The following PON2 variants were observed in gnomAD, a reference collection of about 807,000 sequenced individuals.
PON2 encodes serum paraoxonase/arylesterase 2.
In PON2, 27 loss-of-function variants were observed where a neutral mutation model predicts 36.6. The ratio of observed to expected loss-of-function variants is 0.74; its 90% CI spans 0.54 to 1.02. The LOEUF is 1.02. Ranked by LOEUF, PON2 falls within the 50% of genes least tolerant of loss-of-function variation. The pLI is 0.00. For synonymous variants in PON2, 149 were observed against 156.3 expected, an observed-to-expected ratio of 0.95 and a Z score of 0.35; for missense variants, 363 against 421.1, an observed-to-expected ratio of 0.86 and a Z score of 1.21.
At position 95,431,174 on chromosome 7, in the gene PON2, G is replaced by A. The variant is rs1409087222; in HGVS notation, c.74+3704C>T. On this transcript the variant is annotated intron_variant, in intron 1 of 8. Transcript: ENST00000222572. ...CTAGGGAGGGGTGGAAAAGGAGGGT[G>A]TGGAATCCCAGTTACAGTTCAGAAG... 2.0e-5 allele frequency among the ~76,000 whole-genome samples: 3 copies of A among 152,176 alleles called. No individual in the cohort carries two copies. In the East Asian group the frequency reaches 5.8e-4, roughly 29 times the overall value.
intron 1 of PON2, among the ~76,000 whole-genome samples, chr7:95,427,444 G>A (rs2116502149): frequency 6.6e-6 from 1 of 152,268 alleles, no homozygotes; most frequent in Admixed American, 6.5e-5. Context: ...CCAGGTTTTG[G>A]GGAAAGACAC....
At chr7:95,423,023 T>G (rs928697962) in intron 2 of PON2, among the ~76,000 whole-genome samples, 1 of 152,122 alleles carries the variant, frequency 6.6e-6, no homozygotes, top group Non-Finnish European at 1.5e-5. Context: ...ATGAACCATA[T>G]CTAAGGAAAG....
chr7:95,411,270 C>A (rs1302367237), intron 5 of PON2, among the ~76,000 whole-genome samples: 1 of 152,142 alleles, frequency 6.6e-6, no homozygotes, highest in Non-Finnish European at 1.5e-5. Context: ...ACAGGCCATT[C>A]TTCCTTGGCA....
chr7:95,407,564 T>A (rs2375005), intron 6 of PON2, among the ~76,000 whole-genome samples: 81,304 of 152,002 alleles, frequency 0.53, 22,493 homozygotes, highest in East Asian at 0.83. Flanking sequence ...ATCTGTCTAC[T>A]TCAAAGGTGA....
intron 3 of PON2, chr7:95,416,038 A>C (rs1275863490): frequency 1.2e-6 from 1 of 863,744 alleles, no homozygotes; most frequent in Non-Finnish European, 1.7e-6. Flanking sequence ...TGGGGAAATA[A>C]AGAACACTAT....
chr7:95,412,323 A>G lies in PON2; in HGVS notation c.356T>C (p.Phe119Ser). Residue 119 changes from phenylalanine to serine, a missense_variant, in exon 4 of 9, where the codon TTC becomes TCC. By Grantham distance (155) the Phe-to-Ser change is radical. Coordinates refer to ENST00000222572, the MANE Select transcript of PON2 (RefSeq NM_000305.3). ...CCATTGGCTCTTACCGTTGTCTATGAAAGTGCTGATGCCATGTGGATTGAA... is the reference window on the plus strand; with the variant it reads ...CCATTGGCTCTTACCGTTGTCTATGGAAGTGCTGATGCCATGTGGATTGAA... Reference protein sequence around the residue: ...ASFNPHGISTFIDNDDTVYLF... With the variant: ...ASFNPHGISTSIDNDDTVYLF... 6.2e-7 allele frequency: 1 copy of G among 1,614,152 alleles called. No homozygotes were observed. Among genetic ancestry groups the G allele is most frequent in the Non-Finnish European group, 8.5e-7 (1 of 1,180,008 alleles).
chr7:95,413,865 C>G (rs1040115495), intron 3 of PON2, among the ~76,000 whole-genome samples: 2 of 152,116 alleles, frequency 1.3e-5, no homozygotes, highest in Non-Finnish European at 2.9e-5. Context: ...GTAAGTAGAA[C>G]AAACTGGAAT....
At chr7:95,418,466 CCT>C (rs1243522380) in intron 2 of PON2, 4 of 152,242 alleles carry the variant, frequency 2.6e-5, no homozygotes, top group Non-Finnish European at 4.4e-5. Context: ...AGAAACATCC[CCT>C]GATTCCTCTG....
At chr7:95,406,045 C>G (rs1398564318) in intron 8 of PON2, 74 bp downstream of exon 8, 14 of 1,500,494 alleles carry the variant, frequency 9.3e-6, no homozygotes, top group Non-Finnish European at 1.3e-5. Context: ...CAAATCATCC[C>G]TGTGACAATT....
At chr7:95,429,444 T>A (rs1789389902) in intron 1 of PON2, among the ~76,000 whole-genome samples, 1 of 152,186 alleles carries the variant, frequency 6.6e-6, no homozygotes, top group South Asian at 2.1e-4. Context: ...TGACGGACAT[T>A]TGGGTTGGTT....
Position 95,425,135 on chromosome 7 carries a change from A to T in PON2, c.75-550T>A, listed in dbSNP as rs17876085. 3.3e-3 allele frequency among the ~76,000 whole-genome samples: 507 copies of T among 152,312 alleles called. 1 individual carries two copies. The highest frequency in any genetic ancestry group is 0.012 in the African/African-American group (487 of 41,566). On this transcript the variant is annotated intron_variant, in intron 1 of 8. Coordinates refer to ENST00000222572, the MANE Select transcript of PON2 (RefSeq NM_000305.3). ...ACAGTATTTTTTTAAATAAGAATGT[A>T]TTTATCTTATTTCAATAGCTTTTGG...
At chr7:95,406,738 C>T (rs576702617) in intron 7 of PON2, among the ~76,000 whole-genome samples, 8 of 152,180 alleles carry the variant, frequency 5.3e-5, no homozygotes, top group Admixed American at 5.2e-4. Flanking sequence ...CTTCCACTGC[C>T]ATCAATACTT....
At chr7:95,406,351 G>T (rs1463106615) in intron 7 of PON2, 104 bp from the exon 8 acceptor site, 1 of 1,282,622 alleles carries the variant, frequency 7.8e-7, no homozygotes, top group Non-Finnish European at 1.1e-6. Flanking sequence ...ATTACACATC[G>T]CCCTGCTTCC....
chr7:95,406,860 T>C (rs2116449709), intron 7 of PON2, 127 bp downstream of exon 7: 1 of 611,980 alleles, frequency 1.6e-6, no homozygotes, highest in South Asian at 2.2e-5. Context: ...TTGTAGGGAG[T>C]ATTTAAAAAC....
chr7:95,419,251 G>A (rs1388806461), intron 2 of PON2, among the ~76,000 whole-genome samples: 1 of 152,070 alleles, frequency 6.6e-6, no homozygotes, highest in Non-Finnish European at 1.5e-5. Context: ...TATTGCCTGT[G>A]GGCAGGAGGA....
At chr7:95,406,027 TAACTA>T (rs1809677617) in intron 8 of PON2, 87 bp downstream of exon 8, 3 of 1,431,556 alleles carry the variant, frequency 2.1e-6, no homozygotes, top group Non-Finnish European at 2.9e-6. Flanking sequence ...TGCTTTAAAA[TAACTA>T]AACAAATCAT....
chr7:95,427,619 T>C (rs1789345812), intron 1 of PON2, among the ~76,000 whole-genome samples: 1 of 152,116 alleles, frequency 6.6e-6, no homozygotes, highest in Non-Finnish European at 1.5e-5. Flanking sequence ...GATCAAAGAA[T>C]GAAAATATAT....
At chr7:95,429,490 T>C (rs1245080301) in intron 1 of PON2, among the ~76,000 whole-genome samples, 3 of 152,182 alleles carry the variant, frequency 2.0e-5, no homozygotes, top group Non-Finnish European at 4.4e-5. Context: ...AAGCATGAAC[T>C]CTTAACCAAC....
chr7:95,412,904 A>G (rs964857381), intron 3 of PON2: 3 of 256,676 alleles, frequency 1.2e-5, no homozygotes, highest in Non-Finnish European at 1.5e-5. Context: ...ACATTTACAT[A>G]TTGGTCTATT....
Sources: gnomAD v4.1 joint callset for allele counts (sites outside exome capture counted in the v4.1 genomes callset) on GRCh38, gnomAD v4.1.1 for gene constraint, MANE v1.5 for transcripts, NCBI Gene and HGNC (gene_info 2026-07-23, HGNC 2026-07-21) for gene names.